SMAD6: variants seen among roughly 807,000 people sequenced by gnomAD.
The protein encoded by SMAD6 is SMAD family member 6.
In SMAD6, 103 loss-of-function variants were observed where a neutral mutation model predicts 39.4. The ratio of observed to expected loss-of-function variants is 2.62; its 90% CI spans 2.23 to 3.08. SMAD6 has a LOEUF of 3.08. Ranked by LOEUF, SMAD6 falls within the 30% of genes most tolerant of loss-of-function variation. The pLI, the probability that SMAD6 is intolerant of heterozygous loss-of-function variation, is 0.00. For missense variants in SMAD6, 1,104 were observed against 742.9 expected (o/e 1.49, Z -5.65); for synonymous variants, 445 against 353.3 (o/e 1.26, Z -2.91).
intron 3 of SMAD6, among the ~76,000 whole-genome samples, chr15:66,748,370 A>G (rs1456475726): frequency 6.6e-6 from 1 of 152,204 alleles, no homozygotes; most frequent in Admixed American, 6.5e-5. Flanking sequence ...ATAGTCCGGG[A>G]TTATTAATAG....
intron 3 of SMAD6, among the ~76,000 whole-genome samples, chr15:66,722,798 G>T (rs950947409): frequency 2.6e-5 from 4 of 152,060 alleles, no homozygotes; most frequent in Non-Finnish European, 5.9e-5. Context: ...TGATGGGGGT[G>T]ACTAGAGCAG....
rs966931624 is a variant in SMAD6 at position 66,702,626 on chromosome 15, C to G, written c.-633C>G. ...AACTCGCTCCAAGTGCATCTAGCGC[C>G]TGGGACCTGAGACGGCGTTGGCCTT... On this transcript the variant is annotated 5_prime_UTR_variant, in exon 1 of 4. Coordinates refer to ENST00000288840, the MANE Select transcript of SMAD6 (RefSeq NM_005585.5). 6.6e-6 allele frequency: 1 copy of G among 152,580 alleles called. No homozygotes were observed. Among genetic ancestry groups the G allele is most frequent in the East Asian group, 1.9e-4 (1 of 5,202 alleles). 9.5% of individuals were successfully genotyped at this position (152,580 alleles called of 1,614,324 possible).
At chr15:66,736,073 A>T (rs1481570202) in intron 3 of SMAD6, among the ~76,000 whole-genome samples, 3 of 152,168 alleles carry the variant, frequency 2.0e-5, no homozygotes, top group Admixed American at 2.0e-4. Flanking sequence ...AAGCAAAGCC[A>T]CCCACGGAGT....
intron 3 of SMAD6, among the ~76,000 whole-genome samples, chr15:66,740,222 G>T (rs189942855): frequency 6.6e-6 from 1 of 152,270 alleles, no homozygotes; most frequent in East Asian, 1.9e-4. Flanking sequence ...GCTACATCCT[G>T]CCCAGTCCTG....
chr15:66,766,278 G>A (rs117931548), intron 3 of SMAD6, among the ~76,000 whole-genome samples: 1,968 of 152,248 alleles, frequency 0.013, 30 homozygotes, highest in Non-Finnish European at 0.016. Context: ...TCAGGGAGAG[G>A]GACTGTGCTG....
intron 3 of SMAD6, among the ~76,000 whole-genome samples, chr15:66,762,132 G>T (rs115934825): frequency 0.016 from 2,424 of 152,304 alleles, 68 homozygotes; most frequent in African/African-American, 0.056. Flanking sequence ...AAAATAATGC[G>T]TGTATAGCCC....
chr15:66,763,549 G>T (rs1595794792), intron 3 of SMAD6, among the ~76,000 whole-genome samples: 1 of 152,302 alleles, frequency 6.6e-6, no homozygotes, highest in Admixed American at 6.5e-5. Flanking sequence ...TCCCTCTCGG[G>T]CCAGGACCGA....
In SMAD6 at chr15:66,737,620, C is replaced by T. The variant is rs562562025; in HGVS notation, c.952+21122C>T. On this transcript the variant is annotated intron_variant, in intron 3 of 3. Transcript: ENST00000288840. ...GAGAGATCCCCCTTTCCCACCACTT[C>T]CTCCTTGGCATATAAGTTCTGTTTG... Among the ~76,000 whole-genome samples, 3 of 152,202 alleles carry T rather than the reference C, an allele frequency of 2.0e-5. No homozygotes were observed. The South Asian group carries it at 6.2e-4, about 32-fold the overall frequency.
chr15:66,722,087 G>A (rs1400896738), intron 3 of SMAD6, among the ~76,000 whole-genome samples: 1 of 152,140 alleles, frequency 6.6e-6, no homozygotes. Context: ...AGAAAAGATG[G>A]GCAGAGACCA....
chr15:66,758,014 CCTT>C (rs1434737130), intron 3 of SMAD6, among the ~76,000 whole-genome samples: 1 of 152,204 alleles, frequency 6.6e-6, no homozygotes, highest in Admixed American at 6.5e-5. Flanking sequence ...GTGGGACCCT[CCTT>C]CAAGCGAATT....
chr15:66,720,557 C>T (rs1335336458), intron 3 of SMAD6, among the ~76,000 whole-genome samples: 1 of 152,170 alleles, frequency 6.6e-6, no homozygotes, highest in Non-Finnish European at 1.5e-5. Flanking sequence ...TCTTTAGGAC[C>T]AGTAGCTCCC....
intron 3 of SMAD6, among the ~76,000 whole-genome samples, chr15:66,716,811 A>T (rs143880210): frequency 6.6e-6 from 1 of 152,320 alleles, no homozygotes; most frequent in African/African-American, 2.4e-5. Context: ...TTAGAAAGAG[A>T]TCCTCTTCCC....
chr15:66,767,861 C>T (rs977135690), intron 3 of SMAD6, among the ~76,000 whole-genome samples: 2 of 145,208 alleles, frequency 1.4e-5, no homozygotes, highest in Non-Finnish European at 3.0e-5. Context: ...TTTTGTATAA[C>T]AAAAGGCTAT....
At position 66,703,804 on chromosome 15, in the gene SMAD6, G is replaced by C. The variant is rs572783986; in HGVS notation, c.546G>C (p.Arg182=). ...LKTVTYSLLK[R]LKERSLDTLL... is the part of the protein sequence containing the mutation. ...CCGTCACGTACTCGCTGCTGAAGCG[G>C]CTCAAGGAGCGCTCGCTGGACACGC... The change falls in exon 1 of 4, where the codon CGG becomes CGC. Residue 182 remains arginine, a synonymous_variant. Transcript: ENST00000288840. 1 of 1,434,568 alleles carries C rather than the reference G, an allele frequency of 7.0e-7. No homozygotes were observed. The highest frequency in any genetic ancestry group is 1.5e-5 in the African/African-American group (1 of 67,770). The allele number at this position is 1,434,568 out of a possible 1,614,324, so 88.9% of individuals were successfully genotyped here.
intron 3 of SMAD6, among the ~76,000 whole-genome samples, chr15:66,729,032 T>C (rs1893574144): frequency 6.6e-6 from 1 of 152,212 alleles, no homozygotes. Context: ...CAGAAGCCCC[T>C]CTAGAGGGGA....
At chr15:66,771,131 G>C (rs1219541050) in intron 3 of SMAD6, among the ~76,000 whole-genome samples, 1 of 152,202 alleles carries the variant, frequency 6.6e-6, no homozygotes, top group Non-Finnish European at 1.5e-5. Flanking sequence ...GTGAGCTGCA[G>C]GTGGAGGGCA....
rs753614941 is a variant in SMAD6, at chr15:66,781,265, G to A, written c.1221G>A (p.Glu407=). The change falls in exon 4 of 4, where the codon GAG becomes GAA. Residue 407 remains glutamate (E), a synonymous_variant. Transcript: ENST00000288840. Reference sequence around the variant, plus strand: ...GCGTGTGGGCCTACAACCGCGGCGAGCACCCCATCTTCGTCAACTCCCCGA... The same window carrying A: ...GCGTGTGGGCCTACAACCGCGGCGAACACCCCATCTTCGTCAACTCCCCGA... The part of the protein sequence containing the change: ...PDGVWAYNRG[E]HPIFVNSPTL... 2 of 1,607,792 alleles carry A rather than the reference G, an allele frequency of 1.2e-6. No homozygotes were observed. Among genetic ancestry groups the A allele is most frequent in the East Asian group, 2.2e-5 (1 of 44,830 alleles).
At chr15:66,710,766 G>A (rs1174067761) in intron 1 of SMAD6, among the ~76,000 whole-genome samples, 1 of 145,778 alleles carries the variant, frequency 6.9e-6, no homozygotes, top group South Asian at 2.3e-4. Flanking sequence ...ATGTTTTTAA[G>A]GAGAAGTATT....
chr15:66,731,787 C>T (rs1893634701), intron 3 of SMAD6, among the ~76,000 whole-genome samples: 1 of 152,156 alleles, frequency 6.6e-6, no homozygotes, highest in African/African-American at 2.4e-5. Context: ...TATAACTTTA[C>T]AACAGGCACT....
Sources: allele counts gnomAD v4.1 joint callset (sites outside exome capture counted in the v4.1 genomes callset), GRCh38; gene constraint gnomAD v4.1.1; transcripts MANE v1.5; gene names NCBI Gene and HGNC (gene_info 2026-07-23, HGNC 2026-07-21).